Variants in GALNTL6 observed in about 807,000 individuals in gnomAD.
GALNTL6 encodes polypeptide N-acetylgalactosaminyltransferase like 6.
A neutral mutation model predicts 73.7 loss-of-function variants in GALNTL6; 46 were observed. The ratio of observed to expected loss-of-function variants is 0.62; its 90% CI spans 0.49 to 0.80. The LOEUF (loss-of-function observed/expected upper bound fraction) is 0.80. Among genes scored for constraint, GALNTL6 ranks in the 30% least tolerant of loss-of-function variants. GALNTL6 has a pLI of 0.00. For synonymous variants in GALNTL6, 259 were observed against 263.7 expected (o/e 0.98, Z 0.17); for missense variants, 604 against 755.0 (o/e 0.80, Z 2.34).
At chr4:172,588,206 T>C (rs1218013752) in intron 5 of GALNTL6, among the ~76,000 whole-genome samples, 1 of 152,168 alleles carries the variant, frequency 6.6e-6, no homozygotes, top group African/African-American at 2.4e-5. Flanking sequence ...TTTATGTGTA[T>C]TGTAGTTTTT....
intron 5 of GALNTL6, among the ~76,000 whole-genome samples, chr4:172,408,789 A>G (rs1430464332): frequency 1.3e-5 from 2 of 152,074 alleles, no homozygotes; most frequent in Non-Finnish European, 2.9e-5. Context: ...TGACTTGCTG[A>G]CACTGGCTCT....
intron 7 of GALNTL6, among the ~76,000 whole-genome samples, chr4:172,823,759 T>C (rs902378816): frequency 6.6e-6 from 1 of 152,144 alleles, no homozygotes; most frequent in Admixed American, 6.6e-5. Flanking sequence ...GATAAATAAA[T>C]CTTTTAGAAA....
intron 2 of GALNTL6, among the ~76,000 whole-genome samples, chr4:172,078,894 A>C (rs1036389734): frequency 2.0e-5 from 3 of 152,188 alleles, no homozygotes; most frequent in African/African-American, 7.2e-5. Flanking sequence ...GGTTTTATTT[A>C]ATCACACATT....
At chr4:172,747,761 A>G (rs985479580) in intron 5 of GALNTL6, among the ~76,000 whole-genome samples, 2 of 151,800 alleles carry the variant, frequency 1.3e-5, no homozygotes, top group Non-Finnish European at 1.5e-5. Flanking sequence ...ATATGGAAAA[A>G]CCCAAATATC....
intron 5 of GALNTL6, among the ~76,000 whole-genome samples, chr4:172,467,338 T>C (rs1403574663): frequency 6.6e-6 from 1 of 152,236 alleles, no homozygotes; most frequent in South Asian, 2.1e-4. Flanking sequence ...GTTTAGCACA[T>C]GATTCAGCTA....
intron 5 of GALNTL6, among the ~76,000 whole-genome samples, chr4:172,714,309 AC>A (rs1553976996): frequency 2.0e-3 from 5 of 2,556 alleles, no homozygotes; most frequent in African/African-American, 2.1e-3. Context: ...CACACCAAAC[AC>A]ACACACACAC....
At chr4:172,299,980 C>T (rs968208523) in intron 3 of GALNTL6, among the ~76,000 whole-genome samples, 23 of 151,972 alleles carry the variant, frequency 1.5e-4, no homozygotes, top group Non-Finnish European at 3.2e-4. Context: ...TTAAAGTCTC[C>T]CATTATTATT....
intron 3 of GALNTL6, among the ~76,000 whole-genome samples, chr4:172,273,470 A>T (rs527894780): frequency 6.6e-6 from 1 of 152,290 alleles, no homozygotes; most frequent in East Asian, 1.9e-4. Flanking sequence ...CGGAAAAAGA[A>T]AATTTTAAAG....
At chr4:172,342,097 C>T (rs1192742395) in intron 4 of GALNTL6, among the ~76,000 whole-genome samples, 3 of 152,008 alleles carry the variant, frequency 2.0e-5, no homozygotes, top group Non-Finnish European at 2.9e-5. Context: ...ATTCACATGA[C>T]AGTTCATCAT....
intron 2 of GALNTL6, among the ~76,000 whole-genome samples, chr4:171,911,883 A>G (rs1451532250): frequency 6.6e-6 from 1 of 152,196 alleles, no homozygotes; most frequent in Non-Finnish European, 1.5e-5. Flanking sequence ...ACAGAAATTG[A>G]TGATTGACTT....
chr4:172,939,598 C>T (rs1203862964), intron 9 of GALNTL6, among the ~76,000 whole-genome samples: 20 of 152,178 alleles, frequency 1.3e-4, no homozygotes, highest in Non-Finnish European at 1.5e-4. Flanking sequence ...ATGCACACAG[C>T]ATGCTACATA....
chr4:172,603,885 G>A (rs1338990297), intron 5 of GALNTL6, among the ~76,000 whole-genome samples: 4 of 152,120 alleles, frequency 2.6e-5, no homozygotes, highest in Non-Finnish European at 4.4e-5. Flanking sequence ...AAGTTAAGAG[G>A]CAGTCTTCAG....
chr4:171,888,486 G>A (rs528845247), intron 2 of GALNTL6, among the ~76,000 whole-genome samples: 1 of 151,798 alleles, frequency 6.6e-6, no homozygotes. Flanking sequence ...GGAAGAGAAG[G>A]ACTCCTCAGT....
chr4:172,069,522 G>GTATGCCACATATATGTTATA (rs1731461334), intron 2 of GALNTL6, among the ~76,000 whole-genome samples: 3 of 56,032 alleles, frequency 5.4e-5, no homozygotes, highest in Non-Finnish European at 9.8e-5. Flanking sequence ...TATGTTATAT[G>GTATGCCACATATATGTTATA]TATAACACAT....
chr4:172,940,640 C>T (rs917938358), intron 9 of GALNTL6, among the ~76,000 whole-genome samples: 52 of 152,162 alleles, frequency 3.4e-4, no homozygotes, highest in Non-Finnish European at 5.9e-4. Flanking sequence ...GGATTACAGG[C>T]GCAAGCCACC....
At chr4:172,646,646 C>A (rs145854177) in intron 5 of GALNTL6, among the ~76,000 whole-genome samples, 21 of 152,070 alleles carry the variant, frequency 1.4e-4, no homozygotes, top group African/African-American at 4.6e-4. Flanking sequence ...TTACACTAAT[C>A]CCTTGTAATA....
chr4:171,994,165 T>G (rs1740419347), intron 2 of GALNTL6, among the ~76,000 whole-genome samples: 1 of 152,126 alleles, frequency 6.6e-6, no homozygotes, highest in South Asian at 2.1e-4. Flanking sequence ...TCAATCAAGA[T>G]GGTCTAGGAT....
At chr4:172,692,499 T>A (rs1057468680) in intron 5 of GALNTL6, among the ~76,000 whole-genome samples, 3 of 152,136 alleles carry the variant, frequency 2.0e-5, no homozygotes, top group African/African-American at 4.8e-5. Flanking sequence ...ACTCAGATAC[T>A]TTTATTTTTG....
rs552123637 is a variant in GALNTL6, at chr4:172,930,443, A to T, written c.1042-718A>T. Among the ~76,000 whole-genome samples, 11 of 152,322 alleles carry T rather than the reference A, an allele frequency of 7.2e-5. No individual in the cohort carries two copies. In the South Asian group the frequency reaches 2.3e-3, roughly 32 times the overall value. The stretch of plus-strand genomic sequence containing the variant: ...ATGATATGCTTGTGTTCTTTAAAGC[A>T]TTCACCTATTTTTAAAATTTCACTT... On this transcript the variant is annotated intron_variant, in intron 8 of 12. Transcript: ENST00000506823.
Sources: allele counts gnomAD v4.1 joint callset (sites outside exome capture counted in the v4.1 genomes callset), GRCh38; gene constraint gnomAD v4.1.1; transcripts MANE v1.5; gene names NCBI Gene and HGNC (gene_info 2026-07-23, HGNC 2026-07-21).